The following SLIT3 variants were observed in gnomAD, a reference collection of about 807,000 sequenced individuals.
SLIT3 encodes slit homolog 3 protein.
Under a neutral mutation model 184.0 loss-of-function variants are expected in SLIT3, and 68 were observed. The ratio of observed to expected loss-of-function variants is 0.37; its 90% CI spans 0.30 to 0.45. The LOEUF (loss-of-function observed/expected upper bound fraction) is 0.45. Ranked by LOEUF, SLIT3 falls within the 20% of genes least tolerant of loss-of-function variation. The pLI is 1.00. For missense variants in SLIT3, 1,707 were observed against 2,026.0 expected (o/e 0.84, Z 3.02); for synonymous variants, 831 against 828.6 (o/e 1.00, Z -0.05).
At chr5:169,152,388 C>T (rs1483743784) in intron 4 of SLIT3, among the ~76,000 whole-genome samples, 2 of 152,188 alleles carry the variant, frequency 1.3e-5, no homozygotes, top group Non-Finnish European at 1.5e-5. Flanking sequence ...AGGTGTCCCG[C>T]GTGCATGCAT....
intron 5 of SLIT3, among the ~76,000 whole-genome samples, chr5:168,858,646 C>T (rs1049691740): frequency 3.9e-5 from 6 of 152,244 alleles, no homozygotes; most frequent in Non-Finnish European, 5.9e-5. Flanking sequence ...TGCTCCTGGC[C>T]CTCCTGGCCC....
intron 14 of SLIT3, among the ~76,000 whole-genome samples, chr5:168,767,088 A>G (rs551039307): frequency 2.0e-5 from 3 of 152,306 alleles, no homozygotes; most frequent in Admixed American, 2.0e-4. Flanking sequence ...GGGACTTTAG[A>G]TTTTGTGAAC....
chr5:168,924,510 G>GTGTA (rs1562008946), intron 4 of SLIT3, among the ~76,000 whole-genome samples: 7 of 98,878 alleles, frequency 7.1e-5, no homozygotes, highest in Admixed American at 5.7e-4. Context: ...GTGTGTGTAT[G>GTGTA]TGTGTGTGTG....
At chr5:168,687,344 A>C in intron 29 of SLIT3, among the ~76,000 whole-genome samples, 1 of 152,334 alleles carries the variant, frequency 6.6e-6, no homozygotes, top group South Asian at 2.1e-4. Flanking sequence ...TGAGGAACAC[A>C]GGGTTGGACT....
At chr5:169,028,530 A>G (rs62379482) in intron 4 of SLIT3, among the ~76,000 whole-genome samples, 5,384 of 152,364 alleles carry the variant, frequency 0.035, 126 homozygotes, top group Middle Eastern at 0.065. Context: ...TGCCTTGTAC[A>G]GTGCCTGGCA....
At chr5:169,183,418 A>G (rs1240149549) in intron 4 of SLIT3, among the ~76,000 whole-genome samples, 1 of 152,170 alleles carries the variant, frequency 6.6e-6, no homozygotes, top group Non-Finnish European at 1.5e-5. Context: ...GTTTTTCTGA[A>G]GCCCTTACAC....
At chr5:168,977,237 G>A (rs1049309606) in intron 4 of SLIT3, among the ~76,000 whole-genome samples, 1 of 152,154 alleles carries the variant, frequency 6.6e-6, no homozygotes, top group African/African-American at 2.4e-5. Context: ...TGAAGGGAAG[G>A]AGGCAAGAGA....
At position 168,685,891 on chromosome 5, in the gene SLIT3, T is replaced by C; in HGVS notation, c.3351A>G (p.Leu1117=). The C allele has an allele frequency of 2.5e-6, 4 of 1,613,230 alleles. No homozygotes were observed. Among genetic ancestry groups the C allele is most frequent in the Non-Finnish European group, 3.4e-6 (4 of 1,179,748 alleles). The part of the protein sequence containing the change: ...PFCEHPPPMV[L]LQTSPCDQYE... ...ACTGGTCGCATGGGCTGGTCTGCAG[T>C]AGGACCATGGGTGGGGGGTGTTCAC... The change falls in exon 31 of 36, where the codon CTA becomes CTG. Residue 1117 remains leucine, a synonymous_variant. Coordinates refer to ENST00000519560, the MANE Select transcript of SLIT3 (RefSeq NM_003062.4).
intron 6 of SLIT3, among the ~76,000 whole-genome samples, chr5:168,838,735 C>G (rs1027012438): frequency 6.6e-6 from 1 of 152,176 alleles, no homozygotes; most frequent in African/African-American, 2.4e-5. Flanking sequence ...CACTGCCTTC[C>G]TCTTGTACCA....
intron 4 of SLIT3, among the ~76,000 whole-genome samples, chr5:169,131,702 C>T (rs1370187905): frequency 1.3e-5 from 2 of 152,144 alleles, no homozygotes; most frequent in African/African-American, 4.8e-5. Flanking sequence ...TCTTACTATC[C>T]TCCTCCTTGG....
At chr5:168,677,612 C>T (rs946030019) in intron 32 of SLIT3, among the ~76,000 whole-genome samples, 2 of 152,216 alleles carry the variant, frequency 1.3e-5, no homozygotes, top group Admixed American at 6.5e-5. Context: ...CCATCCCCGG[C>T]TAATTTTTAT....
chr5:169,267,151 T>C (rs1402919570), intron 1 of SLIT3, among the ~76,000 whole-genome samples: 1 of 152,052 alleles, frequency 6.6e-6, no homozygotes, highest in African/African-American at 2.4e-5. Flanking sequence ...CATTTTATGA[T>C]TGAACAAATA....
At chr5:168,819,818 G>A (rs1353704409) in intron 7 of SLIT3, among the ~76,000 whole-genome samples, 1 of 152,176 alleles carries the variant, frequency 6.6e-6, no homozygotes, top group Non-Finnish European at 1.5e-5. Flanking sequence ...GATACAGATA[G>A]TTCCTATCCC....
At chr5:168,766,535 C>G (rs142044723) in intron 14 of SLIT3, among the ~76,000 whole-genome samples, 2 of 152,342 alleles carry the variant, frequency 1.3e-5, no homozygotes, top group Middle Eastern at 3.4e-3. Flanking sequence ...AGTAAGCTAT[C>G]CCCTTTGGAG....
intron 15 of SLIT3, 135 bp downstream of exon 15, chr5:168,762,404 G>A (rs1000682638): frequency 5.9e-6 from 5 of 846,980 alleles, no homozygotes; most frequent in Non-Finnish European, 9.4e-6. Context: ...CTTCAGACCA[G>A]TATGTGAAAG....
intron 4 of SLIT3, chr5:169,120,194 C>T (rs1397483950): frequency 1.3e-5 from 2 of 152,328 alleles, no homozygotes; most frequent in African/African-American, 4.8e-5. Flanking sequence ...GGTCAGAGTG[C>T]TCAGTTGCAG....
At position 168,948,875 on chromosome 5, in the gene SLIT3, G is replaced by A. The variant is rs539604370; in HGVS notation, c.414-65539C>T. Among the ~76,000 whole-genome samples the A allele has an allele frequency of 2.0e-5, 3 of 152,260 alleles. No homozygotes were observed. The South Asian group carries it at 6.2e-4, about 32-fold the overall frequency. On this transcript the variant is annotated intron_variant, in intron 4 of 35. Transcript: ENST00000519560. ...ATCATTGGTGGGGACTAATTGTCAG[G>A]GCCTGGGATTTGGTCCTTTCTGGTC... is the stretch of plus-strand genomic sequence containing the variant.
intron 4 of SLIT3, among the ~76,000 whole-genome samples, chr5:169,188,148 G>A (rs1763423005): frequency 6.6e-6 from 1 of 152,076 alleles, no homozygotes; most frequent in Non-Finnish European, 1.5e-5. Context: ...TGGTAGAGGT[G>A]GGGTTTCACC....
At chr5:169,137,030 T>G (rs1180053558) in intron 4 of SLIT3, among the ~76,000 whole-genome samples, 1 of 152,110 alleles carries the variant, frequency 6.6e-6, no homozygotes, top group Non-Finnish European at 1.5e-5. Context: ...CCAGTTTCTT[T>G]GTCTCTTACC....
Sources: allele counts gnomAD v4.1 joint callset (sites outside exome capture counted in the v4.1 genomes callset), GRCh38; gene constraint gnomAD v4.1.1; transcripts MANE v1.5; gene names NCBI Gene and HGNC (gene_info 2026-07-23, HGNC 2026-07-21).